ARB2A: variants seen among roughly 807,000 people sequenced by gnomAD.
ARB2A encodes the protein cotranscriptional regulator ARB2A.
chr5:93,774,451 T>A, the ARB2A span, among the ~76,000 whole-genome samples: 8 of 152,204 alleles, frequency 5.3e-5, no homozygotes, highest in Non-Finnish European at 7.4e-5. Flanking sequence ...GAAAAATTCT[T>A]GAGGAAATTA....
At chr5:94,018,628 T>A in the ARB2A span, among the ~76,000 whole-genome samples, 6 of 152,074 alleles carry the variant, frequency 3.9e-5, no homozygotes, top group Admixed American at 6.5e-5. Context: ...CCTCTCTCAT[T>A]TCCTTGAGCA....
At chr5:93,621,365 C>T in the ARB2A span, among the ~76,000 whole-genome samples, 1 of 152,024 alleles carries the variant, frequency 6.6e-6, no homozygotes, top group South Asian at 2.1e-4. Context: ...GGGTCACTTG[C>T]CCCCTGGCTC....
the ARB2A span, among the ~76,000 whole-genome samples, chr5:93,908,934 G>A: frequency 6.6e-6 from 1 of 150,846 alleles, no homozygotes; most frequent in Non-Finnish European, 1.5e-5. Context: ...TGAAGAAGTT[G>A]GGAATTTATC....
chr5:93,779,125 G>A, the ARB2A span, among the ~76,000 whole-genome samples: 1 of 114,514 alleles, frequency 8.7e-6, no homozygotes, highest in Non-Finnish European at 1.9e-5. Flanking sequence ...GTGTGTGTGT[G>A]CGCGCGCGCG....
At chr5:93,914,744 T>C in the ARB2A span, among the ~76,000 whole-genome samples, 4 of 151,926 alleles carry the variant, frequency 2.6e-5, no homozygotes, top group Admixed American at 1.3e-4. Flanking sequence ...TAAAAACTCA[T>C]TGATACAGCA....
At chr5:93,732,881 C>CT in the ARB2A span, among the ~76,000 whole-genome samples, 1 of 151,096 alleles carries the variant, frequency 6.6e-6, no homozygotes, top group South Asian at 2.1e-4. Flanking sequence ...AGCAAAAATT[C>CT]TAAAAAAAAA....
chr5:93,954,472 G>T, the ARB2A span, among the ~76,000 whole-genome samples: 8 of 151,828 alleles, frequency 5.3e-5, no homozygotes, highest in Admixed American at 4.6e-4. Flanking sequence ...CTATCCTACG[G>T]TGGCTCATCT....
the ARB2A span, among the ~76,000 whole-genome samples, chr5:94,089,413 C>T: frequency 2.6e-5 from 4 of 152,216 alleles, no homozygotes; most frequent in East Asian, 7.7e-4. Context: ...ATATTATCCA[C>T]TCAGTTTGCT....
At chr5:93,756,554 T>C in the ARB2A span, among the ~76,000 whole-genome samples, 3 of 152,132 alleles carry the variant, frequency 2.0e-5, no homozygotes, top group African/African-American at 7.2e-5. Flanking sequence ...CAGGACTCTG[T>C]ACAGACACCC....
At chr5:93,685,387 A>G in the ARB2A span, among the ~76,000 whole-genome samples, 1 of 152,130 alleles carries the variant, frequency 6.6e-6, no homozygotes, top group South Asian at 2.1e-4. Context: ...AGGATAAAAG[A>G]CTCTGATAAT....
chr5:93,807,727 T>G, the ARB2A span, among the ~76,000 whole-genome samples: 1 of 152,010 alleles, frequency 6.6e-6, no homozygotes, highest in Non-Finnish European at 1.5e-5. Flanking sequence ...ACAAGATAAC[T>G]GGCATATACT....
At chr5:94,065,069 A>T in the ARB2A span, among the ~76,000 whole-genome samples, 2 of 152,272 alleles carry the variant, frequency 1.3e-5, no homozygotes, top group African/African-American at 4.8e-5. Context: ...GCCCTCGCAT[A>T]TCAATAATAA....
the ARB2A span, among the ~76,000 whole-genome samples, chr5:94,077,101 G>A: frequency 3.3e-5 from 5 of 152,144 alleles, no homozygotes; most frequent in South Asian, 2.1e-4. Flanking sequence ...TTGGCTGGGC[G>A]CGGTGGCTCA....
chr5:93,805,205 C>T, the ARB2A span: 4 of 984,880 alleles, frequency 4.1e-6, no homozygotes, highest in South Asian at 4.7e-5. Flanking sequence ...ATAATGAGAA[C>T]GGGGTTGAAA....
the ARB2A span, among the ~76,000 whole-genome samples, chr5:94,089,594 T>TACACACACACACAC: frequency 2.6e-3 from 356 of 135,652 alleles, 3 homozygotes; most frequent in Admixed American, 5.0e-3. Flanking sequence ...AAACCGTTTA[T>TACACACACACACAC]ACACACACAC....
the ARB2A span, among the ~76,000 whole-genome samples, chr5:93,928,540 T>C: frequency 6.6e-6 from 1 of 152,160 alleles, no homozygotes; most frequent in East Asian, 1.9e-4. Flanking sequence ...TAAACACAAG[T>C]TATGTGGCTC....
the ARB2A span, among the ~76,000 whole-genome samples, chr5:93,909,612 T>C: frequency 6.6e-6 from 1 of 150,922 alleles, no homozygotes; most frequent in South Asian, 2.1e-4. Flanking sequence ...AAAATAGAAT[T>C]GGTAAGTAAA....
chr5:94,043,127 T>C, the ARB2A span, among the ~76,000 whole-genome samples: 5 of 152,084 alleles, frequency 3.3e-5, no homozygotes, highest in Non-Finnish European at 5.9e-5. Flanking sequence ...CTGATAACTT[T>C]GAAAATTGAG....
At chr5:93,690,531 T>C in the ARB2A span, among the ~76,000 whole-genome samples, 1 of 152,128 alleles carries the variant, frequency 6.6e-6, no homozygotes. Context: ...AGGGCATCTC[T>C]GAAAGAAAGG....
Sources: allele counts gnomAD v4.1 joint callset (sites outside exome capture counted in the v4.1 genomes callset), GRCh38; gene constraint gnomAD v4.1.1; transcripts MANE v1.5; gene names NCBI Gene and HGNC (gene_info 2026-07-23, HGNC 2026-07-21).